CATSPERE: variants seen among roughly 807,000 people sequenced by gnomAD.
CATSPERE encodes the protein cation channel sperm-associated auxiliary subunit epsilon.
In CATSPERE, 93 loss-of-function variants were observed where a neutral mutation model predicts 114.1. The observed-to-expected ratio is 0.81, with a 90% CI of 0.69 to 0.97. The LOEUF is 0.97. Among genes scored for constraint, CATSPERE ranks in the 50% least tolerant of loss-of-function variants. The pLI is 0.00. For synonymous variants in CATSPERE, 341 were observed against 384.1 expected (o/e 0.89, Z 1.31); for missense variants, 1,058 against 1,131.6 (o/e 0.93, Z 0.93).
chr1:244,479,507 A>G (rs1468276123), intron 4 of CATSPERE, among the ~76,000 whole-genome samples: 1 of 152,174 alleles, frequency 6.6e-6, no homozygotes, highest in Non-Finnish European at 1.5e-5. Context: ...TTTGAATTGT[A>G]TTTCAGTGAG....
chr1:244,557,541 A>ATT (rs1293643626), intron 9 of CATSPERE, among the ~76,000 whole-genome samples: 1 of 29,014 alleles, frequency 3.4e-5, no homozygotes, highest in Non-Finnish European at 5.8e-5. Flanking sequence ...TCATATATAT[A>ATT]TATATATATA....
intron 2 of CATSPERE, among the ~76,000 whole-genome samples, chr1:244,475,689 A>G (rs1018910722): frequency 2.6e-5 from 4 of 151,516 alleles, no homozygotes; most frequent in Non-Finnish European, 5.9e-5. Context: ...GGTGCGCACC[A>G]CCACGCCTAG....
upstream of CATSPERE, among the ~76,000 whole-genome samples, chr1:244,451,423 C>T (rs1665592681): frequency 2.6e-5 from 4 of 152,218 alleles, no homozygotes; most frequent in South Asian, 8.3e-4. The surrounding 1 kb of genome is among the most constrained non-coding windows in gnomAD (Gnocchi z 6.6). Context: ...TCCAGGGCCA[C>T]CCCAAGTTTC....
intron 13 of CATSPERE, among the ~76,000 whole-genome samples, chr1:244,588,193 C>CA (rs34464391): frequency 1.4e-4 from 15 of 107,944 alleles, no homozygotes; most frequent in African/African-American, 3.5e-4. Context: ...GACTTCATCT[C>CA]AAAAAAAAAA....
intron 2 of CATSPERE, among the ~76,000 whole-genome samples, chr1:244,469,467 C>A (rs1410422736): frequency 6.6e-6 from 1 of 152,112 alleles, no homozygotes; most frequent in Non-Finnish European, 1.5e-5. Flanking sequence ...ATCCTTTCAT[C>A]CATACATATT....
Position 244,477,894 on chromosome 1 carries a change from T to C in CATSPERE, c.189-12T>C, listed in dbSNP as rs765573729. 1.0e-5 allele frequency: 16 copies of C among 1,594,128 alleles called. No individual in the cohort carries two copies. The Admixed American group carries it at 2.7e-4, about 27-fold the overall frequency. On this transcript the variant is annotated splice_polypyrimidine_tract_variant and intron_variant, in intron 3 of 21. Transcript: ENST00000366534. ...ACCTATAATTATTCTTTCTCATCTT[T>C]TTAAACACTAGCTCACCCACGACAG...
chr1:244,630,977 C>T (rs749111389), intron 20 of CATSPERE, among the ~76,000 whole-genome samples: 1 of 152,096 alleles, frequency 6.6e-6, no homozygotes, highest in Admixed American at 6.6e-5. Context: ...TATACATATT[C>T]TTAGGGTATT....
chr1:244,580,149 A>G (rs1313834947), intron 11 of CATSPERE, among the ~76,000 whole-genome samples: 1 of 151,038 alleles, frequency 6.6e-6, no homozygotes, highest in Non-Finnish European at 1.5e-5. Context: ...CAATTCTTGT[A>G]TCTCAGCCTC....
intron 9 of CATSPERE, among the ~76,000 whole-genome samples, chr1:244,557,524 G>T (rs1661764033): frequency 1.9e-4 from 10 of 52,014 alleles, no homozygotes; most frequent in African/African-American, 2.1e-4. Flanking sequence ...AATTTTATTT[G>T]AAATATTCAT....
chr1:244,639,570 A>G (rs749842034), intron 21 of CATSPERE, among the ~76,000 whole-genome samples: 3 of 151,604 alleles, frequency 2.0e-5, no homozygotes, highest in South Asian at 2.1e-4. Context: ...CCCTCCTGTA[A>G]TCCCAGCTGC....
chr1:244,560,829 A>C lies in CATSPERE; in HGVS notation c.1191A>C (p.Thr397=), dbSNP rs1356161853. 6.2e-7 allele frequency: 1 copy of C among 1,613,990 alleles called. No homozygotes were observed. The highest frequency in any genetic ancestry group is 1.3e-5 in the African/African-American group (1 of 74,934). ...ATLTIDRVEY[T]GHPLEIAVFL... ...TGACCATAGACAGGGTTGAGTATACAGGACACCCTCTGGAGATTGCTGTGT... is the reference window on the plus strand; with the variant it reads ...TGACCATAGACAGGGTTGAGTATACCGGACACCCTCTGGAGATTGCTGTGT... Residue 397 remains threonine, a synonymous_variant, in exon 10 of 22, where the codon ACA becomes ACC. Coordinates refer to ENST00000366534, the MANE Select transcript of CATSPERE (RefSeq NM_001130957.2).
At chr1:244,489,079 C>A (rs139334207) in intron 5 of CATSPERE, among the ~76,000 whole-genome samples, 92 of 152,294 alleles carry the variant, frequency 6.0e-4, no homozygotes, top group African/African-American at 2.1e-3. Context: ...GTGAAAAAAA[C>A]TTTCTAGAAA....
At chr1:244,553,889 G>GT (rs1661181820) in intron 9 of CATSPERE, among the ~76,000 whole-genome samples, 1 of 151,952 alleles carries the variant, frequency 6.6e-6, no homozygotes, top group Admixed American at 6.6e-5. Context: ...TGAGATCATG[G>GT]TTTTTACCTT....
chr1:244,552,577 T>C lies in CATSPERE; in HGVS notation c.792T>C (p.Asp264=). ...ATATGGAGACCTTTCACACAACTGA[T>C]TCATTCAAATCTTGGACCAGAATCA... ...VTDMETFHTT[D]SFKSWTRIRV... The change falls in exon 9 of 22, where the codon GAT becomes GAC. Residue 264 remains aspartate (D), a synonymous_variant. Coordinates refer to ENST00000366534, the MANE Select transcript of CATSPERE (RefSeq NM_001130957.2). The C allele has an allele frequency of 6.2e-7, 1 of 1,614,194 alleles. No homozygotes were observed.
At chr1:244,596,774 A>T (rs4339843) in intron 17 of CATSPERE, among the ~76,000 whole-genome samples, 66,762 of 137,156 alleles carry the variant, frequency 0.49, 17,706 homozygotes, top group Non-Finnish European at 0.64. Context: ...CTAAAGTAAA[A>T]TTTAAAAAAA....
chr1:244,618,838 C>G (rs568648962), intron 20 of CATSPERE, among the ~76,000 whole-genome samples: 1 of 151,502 alleles, frequency 6.6e-6, no homozygotes. Flanking sequence ...AGAAGAGTGA[C>G]GTTAACAAGG....
chr1:244,451,935 GC>G, upstream of CATSPERE: 2 of 1,099,950 alleles, frequency 1.8e-6, no homozygotes, highest in African/African-American at 1.7e-5. The surrounding 1 kb of genome is among the most constrained non-coding windows in gnomAD (Gnocchi z 6.6). Context: ...GGCCGGCCCC[GC>G]CCCCGCCCCG....
chr1:244,474,872 T>C (rs1456871409), intron 2 of CATSPERE, among the ~76,000 whole-genome samples: 1 of 151,760 alleles, frequency 6.6e-6, no homozygotes. Flanking sequence ...GCCTCCCAAG[T>C]AGCTGGGACT....
At chr1:244,535,469 A>G (rs776672286) in intron 8 of CATSPERE, among the ~76,000 whole-genome samples, 5 of 152,150 alleles carry the variant, frequency 3.3e-5, no homozygotes, top group Admixed American at 1.3e-4. Flanking sequence ...CACTCAAACC[A>G]CAAGACATAG....
Sources: gnomAD v4.1 joint callset for allele counts (sites outside exome capture counted in the v4.1 genomes callset) on GRCh38, gnomAD v4.1.1 for gene constraint, Gnocchi (gnomAD v3.1) non-coding constraint, MANE v1.5 for transcripts, NCBI Gene and HGNC (gene_info 2026-07-23, HGNC 2026-07-21) for gene names.